The following TMEM132D variants were observed in gnomAD, a reference collection of about 807,000 sequenced individuals.
The protein encoded by TMEM132D is transmembrane protein 132D, also known as mature OL transmembrane protein.
Under a neutral mutation model 62.3 loss-of-function variants are expected in TMEM132D, and 21 were observed. The ratio of observed to expected loss-of-function variants is 0.34; its 90% confidence interval spans 0.24 to 0.49. TMEM132D has a LOEUF of 0.49. TMEM132D is among the 20% of genes least tolerant of loss of function. The pLI is 0.99. For missense variants in TMEM132D, 1,346 were observed against 1,402.8 expected, an observed-to-expected ratio of 0.96 and a Z score of 0.65; for synonymous variants, 621 against 575.6, an observed-to-expected ratio of 1.08 and a Z score of -1.13.
rs141108255 is a variant in TMEM132D at position 129,227,300 on chromosome 12, AATAT to A, written c.1300-17641_1300-17638del. On this transcript the variant is annotated intron_variant, in intron 4 of 8. Transcript: ENST00000422113. ...ATCTGTCATCTGTCCTGCGTTAGGA[AATAT>A]ATATATATATATATATATATATGGC... Among the ~76,000 whole-genome samples the A allele has an allele frequency of 5.0e-4, 54 of 108,700 alleles. 2 individuals are homozygous for A. Among genetic ancestry groups the A allele is most frequent in the East Asian group, 1.5e-3 (5 of 3,344 alleles). The allele number at this position is 108,700 out of a possible 152,430, so 71.3% of individuals were successfully genotyped here.
intron 1 of TMEM132D, among the ~76,000 whole-genome samples, chr12:129,870,758 TG>T (rs1375328942): frequency 6.6e-6 from 1 of 152,100 alleles, no homozygotes; most frequent in Non-Finnish European, 1.5e-5. Flanking sequence ...GCAGGTACCT[TG>T]GGTATTTTGG....
intron 2 of TMEM132D, among the ~76,000 whole-genome samples, chr12:129,619,735 T>G (rs571965748): frequency 1.3e-5 from 2 of 152,336 alleles, no homozygotes; most frequent in South Asian, 2.1e-4. Flanking sequence ...TGACATTTGG[T>G]TTAAAGGTCT....
chr12:129,313,621 T>C (rs1798522257), intron 4 of TMEM132D, among the ~76,000 whole-genome samples: 1 of 151,998 alleles, frequency 6.6e-6, no homozygotes, highest in South Asian at 2.1e-4. Context: ...TGATGGGCAT[T>C]TGGGATGGTT....
chr12:129,795,845 T>C (rs965424440), intron 1 of TMEM132D, among the ~76,000 whole-genome samples: 3 of 152,218 alleles, frequency 2.0e-5, no homozygotes, highest in Non-Finnish European at 4.4e-5. Flanking sequence ...TATTATTTTA[T>C]TGGAGGCTTT....
chr12:129,781,971 G>A (rs966698791), intron 1 of TMEM132D, among the ~76,000 whole-genome samples: 1 of 152,130 alleles, frequency 6.6e-6, no homozygotes, highest in South Asian at 2.1e-4. Flanking sequence ...ACACAACCTC[G>A]TATGTAATGC....
intron 1 of TMEM132D, among the ~76,000 whole-genome samples, chr12:129,818,210 G>T: frequency 1.4e-5 from 2 of 142,354 alleles, no homozygotes; most frequent in Non-Finnish European, 3.1e-5. Flanking sequence ...GTGCCTATGA[G>T]TGTGTATCTG....
chr12:129,711,373 A>G (rs982790531), intron 1 of TMEM132D, among the ~76,000 whole-genome samples: 1 of 152,180 alleles, frequency 6.6e-6, no homozygotes, highest in African/African-American at 2.4e-5. Context: ...CAGCAGCGCT[A>G]TCAATCAGGT....
intron 1 of TMEM132D, among the ~76,000 whole-genome samples, chr12:129,895,073 A>C (rs1354818462): frequency 6.6e-6 from 1 of 152,170 alleles, no homozygotes; most frequent in Non-Finnish European, 1.5e-5. Flanking sequence ...TCACCTGGGC[A>C]GGGCTGGGGA....
In TMEM132D at chr12:129,075,030, G is replaced by A. The variant is rs2135605678; in HGVS notation, c.2145C>T (p.Phe715=). Reference sequence around the variant, plus strand: ...CCAAGGGCGTGACTGAGCCATCACTGAACTGGACCCAGCAACTGATGGCTG... The same window carrying A: ...CCAAGGGCGTGACTGAGCCATCACTAAACTGGACCCAGCAACTGATGGCTG... The part of the protein sequence containing the change: ...QEAAISCWVQ[F]SDGSVTPLDI... Residue 715 remains phenylalanine (F), a synonymous_variant, in exon 9 of 9, where the codon TTC becomes TTT. Transcript: ENST00000422113. 1 of 1,610,496 alleles carries A rather than the reference G, an allele frequency of 6.2e-7. No homozygotes were observed. The highest frequency in any genetic ancestry group is 8.5e-7 in the Non-Finnish European group (1 of 1,179,124).
At chr12:129,159,921 T>C (rs1482716467) in intron 5 of TMEM132D, among the ~76,000 whole-genome samples, 1 of 152,140 alleles carries the variant, frequency 6.6e-6, no homozygotes, top group African/African-American at 2.4e-5. Flanking sequence ...CCAGGGAATC[T>C]GTTTCTGTAC....
chr12:129,315,925 C>G (rs188886471), intron 4 of TMEM132D, among the ~76,000 whole-genome samples: 2 of 152,160 alleles, frequency 1.3e-5, no homozygotes, highest in Non-Finnish European at 2.9e-5. Flanking sequence ...AGCTTATGTG[C>G]GTAAAGGTGT....
At chr12:129,432,081 A>G (rs889554822) in intron 3 of TMEM132D, among the ~76,000 whole-genome samples, 1 of 152,118 alleles carries the variant, frequency 6.6e-6, no homozygotes, top group South Asian at 2.1e-4. Context: ...GACTCTTATC[A>G]CTATAATTAT....
chr12:129,665,443 C>G (rs537855349), intron 2 of TMEM132D, among the ~76,000 whole-genome samples: 242 of 151,542 alleles, frequency 1.6e-3, no homozygotes, highest in African/African-American at 5.6e-3. Flanking sequence ...TGGGCAAAGA[C>G]GAAACCAGAC....
At chr12:129,320,732 C>T (rs1241303341) in intron 4 of TMEM132D, among the ~76,000 whole-genome samples, 13 of 152,192 alleles carry the variant, frequency 8.5e-5, no homozygotes, top group Admixed American at 7.9e-4. Flanking sequence ...GTAGTTGAAA[C>T]ATTTGTAATG....
intron 1 of TMEM132D, among the ~76,000 whole-genome samples, chr12:129,847,805 G>T (rs12306069): frequency 6.6e-6 from 1 of 151,998 alleles, no homozygotes; most frequent in African/African-American, 2.4e-5. Flanking sequence ...AAAAGATGTC[G>T]TGCAAGAAGT....
chr12:129,287,517 A>G (rs921546970), intron 4 of TMEM132D, among the ~76,000 whole-genome samples: 4 of 152,184 alleles, frequency 2.6e-5, no homozygotes, highest in Non-Finnish European at 5.9e-5. Context: ...AGGTTTTGCC[A>G]TTACTTTTAT....
At chr12:129,731,666 A>AT (rs1349015380) in intron 1 of TMEM132D, among the ~76,000 whole-genome samples, 2 of 120,668 alleles carry the variant, frequency 1.7e-5, no homozygotes, top group Non-Finnish European at 1.8e-5. Context: ...AGCCACTGGA[A>AT]ATTTTTTTTT....
intron 5 of TMEM132D, among the ~76,000 whole-genome samples, chr12:129,134,136 G>GTC (rs1270944569): frequency 0.033 from 3,124 of 95,444 alleles, 128 homozygotes; most frequent in African/African-American, 0.11. Context: ...GTGTGTGTCT[G>GTC]TGTGTGTGTG....
At chr12:129,255,857 G>A (rs921940186) in intron 4 of TMEM132D, among the ~76,000 whole-genome samples, 2 of 152,146 alleles carry the variant, frequency 1.3e-5, no homozygotes, top group African/African-American at 4.8e-5. Flanking sequence ...TCTCCTTATC[G>A]CTCATTGACT....
Sources: gnomAD v4.1 joint callset for allele counts (sites outside exome capture counted in the v4.1 genomes callset) on GRCh38, gnomAD v4.1.1 for gene constraint, MANE v1.5 for transcripts, NCBI Gene and HGNC (gene_info 2026-07-23, HGNC 2026-07-21) for gene names.